CLDN16: variants seen among roughly 807,000 people sequenced by gnomAD.
CLDN16 encodes claudin 16, also known as claudin-16.
In CLDN16, 13 loss-of-function variants were observed where a neutral mutation model predicts 24.6. That is an observed-to-expected ratio of 0.53 (90% CI 0.34 to 0.84). The LOEUF (loss-of-function observed/expected upper bound fraction) is 0.84, where lower values mean the gene tolerates loss of function less well. Among genes scored for constraint, CLDN16 ranks in the 40% least tolerant of loss-of-function variants. The probability of loss-of-function intolerance (pLI) is 0.01; values close to 1 mark genes in which losing one functional copy is unlikely to be tolerated. For synonymous variants in CLDN16, 116 were observed against 106.7 expected, an observed-to-expected ratio of 1.09 and a Z score of -0.54; for missense variants, 298 against 292.7, an observed-to-expected ratio of 1.02 and a Z score of -0.13.
At chr3:190,371,113 A>C (rs1718133497) in intron 2 of CLDN16, 1 of 148,272 alleles carries the variant, frequency 6.7e-6, no homozygotes. Flanking sequence ...ATATATATAT[A>C]TTTATCCTAT....
chr3:190,296,706 C>G, the CLDN16 span, among the ~76,000 whole-genome samples: 1 of 152,116 alleles, frequency 6.6e-6, no homozygotes. Flanking sequence ...ACTGCCACCA[C>G]GCCCGGCTAA....
chr3:190,296,949 T>TA, the CLDN16 span, among the ~76,000 whole-genome samples: 4 of 152,112 alleles, frequency 2.6e-5, no homozygotes. Flanking sequence ...TGCTGCTAGA[T>TA]AGAGAATAAA....
At chr3:190,384,927 T>G (rs1225130439), upstream of CLDN16, among the ~76,000 whole-genome samples, 1 of 152,146 alleles carries the variant, frequency 6.6e-6, no homozygotes, top group Non-Finnish European at 1.5e-5. Context: ...TTATAATAAA[T>G]TGGAAAACAC....
rs929948127 is a variant in CLDN16 at position 190,404,887 on chromosome 3, C to A, written c.343C>A (p.Arg115Ser). ...CCCTGATGAGCCGTACATTAAAGTC[C>A]GCATCTGCTTTGTTGCTGGAGCCAC... ...FLPDEPYIKV[R>S]ICFVAGATLL... The change falls in exon 3 of 5, where the codon CGC (arginine) becomes AGC (serine). Residue 115 changes from arginine to serine, a missense_variant. By Grantham distance (110) the Arg-to-Ser change is moderately radical. Transcript: ENST00000264734. 1 of 1,614,056 alleles carries A rather than the reference C, an allele frequency of 6.2e-7. No individual in the cohort carries two copies. The highest frequency in any genetic ancestry group is 8.5e-7 in the Non-Finnish European group (1 of 1,180,010).
the CLDN16 span, among the ~76,000 whole-genome samples, chr3:190,317,395 C>T: frequency 1.3e-5 from 2 of 152,148 alleles, no homozygotes; most frequent in Non-Finnish European, 2.9e-5. Context: ...TCATCATTTT[C>T]CACCTGAAAG....
chr3:190,370,966 G>A (rs577049211), exon 2 of CLDN16: 1 of 150,460 alleles, frequency 6.6e-6, no homozygotes, highest in Non-Finnish European at 1.5e-5. Context: ...TTGCTCCTCA[G>A]CTTGCAGATG....
At chr3:190,322,280 G>A (rs758449874), upstream of CLDN16, 31 of 1,353,294 alleles carry the variant, frequency 2.3e-5, no homozygotes, top group Non-Finnish European at 3.0e-5. Flanking sequence ...TGGGCAACCC[G>A]GACTCCCGAA....
upstream of CLDN16, chr3:190,321,951 T>C (rs773060480): frequency 1.3e-6 from 2 of 1,588,386 alleles, no homozygotes; most frequent in South Asian, 2.2e-5. Context: ...CTGGGGCCTC[T>C]GGACGGCCGC....
chr3:190,315,396 A>T, the CLDN16 span, among the ~76,000 whole-genome samples: 151 of 152,266 alleles, frequency 9.9e-4, no homozygotes, highest in African/African-American at 3.3e-3. Context: ...GTGCAAAGTA[A>T]AACGAAGTTT....
the CLDN16 span, among the ~76,000 whole-genome samples, chr3:190,313,854 G>T: frequency 6.6e-6 from 1 of 152,122 alleles, no homozygotes; most frequent in African/African-American, 2.4e-5. Context: ...GGTCAAGTTT[G>T]AGACATTATC....
At chr3:190,400,832 G>A (rs1382268260) in intron 1 of CLDN16, among the ~76,000 whole-genome samples, 1 of 152,070 alleles carries the variant, frequency 6.6e-6, no homozygotes, top group Non-Finnish European at 1.5e-5. Flanking sequence ...GCCCAGTAGT[G>A]AGATTTGTTG....
upstream of CLDN16, chr3:190,387,974 G>A (rs187663828): frequency 6.8e-4 from 496 of 734,562 alleles, 4 homozygotes; most frequent in African/African-American, 6.8e-3. Context: ...TCCTTCCCCC[G>A]TCTTGGCACT....
At position 190,404,880 on chromosome 3, in the gene CLDN16, T is replaced by G. The variant is rs1275570743; in HGVS notation, c.336T>G (p.Ile112Met). ...CVKFLPDEPY[I>M]KVRICFVAGA... Reference sequence around the variant, plus strand: ...AATTCCTCCCTGATGAGCCGTACATTAAAGTCCGCATCTGCTTTGTTGCTG... The same window carrying G: ...AATTCCTCCCTGATGAGCCGTACATGAAAGTCCGCATCTGCTTTGTTGCTG... Residue 112 changes from isoleucine (I) to methionine (M), a missense_variant, in exon 3 of 5, where the codon ATT becomes ATG. Physicochemically the swap from Ile to Met is conservative, Grantham distance 10. Coordinates refer to ENST00000264734, the MANE Select transcript of CLDN16 (RefSeq NM_006580.4). The G allele has an allele frequency of 6.2e-7, 1 of 1,614,020 alleles. No homozygotes were observed. Among genetic ancestry groups the G allele is most frequent in the East Asian group, 2.2e-5 (1 of 44,890 alleles).
At chr3:190,379,947 G>C (rs1263092000) in intron 3 of CLDN16, among the ~76,000 whole-genome samples, 1 of 141,490 alleles carries the variant, frequency 7.1e-6, no homozygotes, top group Non-Finnish European at 1.5e-5. Context: ...TGTAGACCTA[G>C]ATTGATCTAT....
At chr3:190,400,453 G>A (rs925800125) in intron 1 of CLDN16, among the ~76,000 whole-genome samples, 2 of 151,848 alleles carry the variant, frequency 1.3e-5, no homozygotes, top group African/African-American at 2.4e-5. Flanking sequence ...GGATGATCCC[G>A]ATCTCCTGAC....
chr3:190,407,131 GA>G (rs145022486), intron 3 of CLDN16, among the ~76,000 whole-genome samples: 5 of 152,018 alleles, frequency 3.3e-5, no homozygotes, highest in African/African-American at 7.2e-5. Flanking sequence ...ACTATCTAGG[GA>G]AAAAAATGTA....
At chr3:190,354,528 A>G (rs1326834987) in intron 1 of CLDN16, among the ~76,000 whole-genome samples, 1 of 152,042 alleles carries the variant, frequency 6.6e-6, no homozygotes, top group Non-Finnish European at 1.5e-5. Flanking sequence ...CTGGTGAACC[A>G]ATCATTGTAT....
At chr3:190,357,273 A>C (rs1189196951) in intron 1 of CLDN16, among the ~76,000 whole-genome samples, 2 of 151,888 alleles carry the variant, frequency 1.3e-5, no homozygotes, top group Non-Finnish European at 1.5e-5. Flanking sequence ...GGATCAGAAA[A>C]ACACAACCTT....
chr3:190,409,219 C>G (rs749196002), intron 4 of CLDN16, among the ~76,000 whole-genome samples: 2 of 150,990 alleles, frequency 1.3e-5, no homozygotes, highest in African/African-American at 4.9e-5. Flanking sequence ...TATGCACACA[C>G]GTATATGCAT....
Sources: allele counts gnomAD v4.1 joint callset (sites outside exome capture counted in the v4.1 genomes callset), GRCh38; gene constraint gnomAD v4.1.1; transcripts MANE v1.5; gene names NCBI Gene and HGNC (gene_info 2026-07-23, HGNC 2026-07-21).